MYO1B: variants seen among roughly 807,000 people sequenced by gnomAD.
MYO1B encodes unconventional myosin-Ib.
MYO1B carries 72 observed loss-of-function variants against 159.7 expected under a neutral mutation model. That is an observed-to-expected ratio of 0.45 (90% CI 0.37 to 0.55). MYO1B has a LOEUF of 0.55. Among genes scored for constraint, MYO1B ranks in the 20% least tolerant of loss-of-function variants. The pLI, the probability that MYO1B is intolerant of heterozygous loss-of-function variation, is 0.00. For synonymous variants in MYO1B, 468 were observed against 473.8 expected (o/e 0.99, Z 0.16); for missense variants, 1,062 against 1,364.8 (o/e 0.78, Z 3.50).
At chr2:191,292,458 T>G (rs1688741218) in intron 2 of MYO1B, among the ~76,000 whole-genome samples, 1 of 152,190 alleles carries the variant, frequency 6.6e-6, no homozygotes, top group Non-Finnish European at 1.5e-5. Flanking sequence ...AAAATTTTTC[T>G]AACTGGCAAT....
At chr2:191,333,827 CAG>C (rs1287902235) in intron 4 of MYO1B, among the ~76,000 whole-genome samples, 5 of 152,134 alleles carry the variant, frequency 3.3e-5, no homozygotes, top group Non-Finnish European at 7.4e-5. Context: ...TCAGGTGAAA[CAG>C]AATTTAATTC....
At chr2:191,370,861 A>G (rs1200340134) in intron 13 of MYO1B, 2 of 152,256 alleles carry the variant, frequency 1.3e-5, no homozygotes, top group Non-Finnish European at 2.9e-5. Context: ...AGAGGTTGAA[A>G]TAATTTCTGC....
chr2:191,407,043 A>C (rs1165266895), intron 24 of MYO1B, among the ~76,000 whole-genome samples: 3 of 152,198 alleles, frequency 2.0e-5, no homozygotes, highest in African/African-American at 7.2e-5. Flanking sequence ...TGCCTCATCT[A>C]AAGGCAACAG....
chr2:191,402,921 T>C (rs1252758370), intron 24 of MYO1B, among the ~76,000 whole-genome samples: 1 of 152,226 alleles, frequency 6.6e-6, no homozygotes, highest in Admixed American at 6.5e-5. Flanking sequence ...CTTTAAATAA[T>C]AGGTTTAATG....
chr2:191,372,071 C>T (rs1038753369), intron 13 of MYO1B, among the ~76,000 whole-genome samples: 1 of 152,206 alleles, frequency 6.6e-6, no homozygotes, highest in Non-Finnish European at 1.5e-5. Context: ...TCATTCTTTA[C>T]AGTTGGCAGG....
In MYO1B at chr2:191,402,669, G is replaced by A; in HGVS notation, c.2507G>A (p.Arg836Lys). The change falls in exon 24 of 31, where the codon AGG (arginine) becomes AAG (lysine). Residue 836 changes from arginine to lysine, a missense_variant. Arg to Lys is a conservative substitution (Grantham distance 26). Around this residue, in one of 5 missense-constraint regions of MYO1B, gnomAD observed 609 missense variants for 744.4 expected, o/e 0.82. Coordinates refer to ENST00000392318, the MANE Select transcript of MYO1B (RefSeq NM_001130158.3). ...RELKRLKEEA[R>K]RKHAVAVIWA... Reference sequence around the variant, plus strand: ...TTGAAACGCTTGAAGGAGGAGGCTAGGCGTAAGCATGCAGTTGCTGTCATT... The same window carrying A: ...TTGAAACGCTTGAAGGAGGAGGCTAAGCGTAAGCATGCAGTTGCTGTCATT... 6.2e-7 allele frequency: 1 copy of A among 1,613,706 alleles called. No homozygotes were observed. Among genetic ancestry groups the A allele is most frequent in the Non-Finnish European group, 8.5e-7 (1 of 1,179,768 alleles).
At chr2:191,278,336 C>G (rs1222708799) in intron 2 of MYO1B, among the ~76,000 whole-genome samples, 3 of 152,220 alleles carry the variant, frequency 2.0e-5, no homozygotes, top group African/African-American at 7.2e-5. Flanking sequence ...TCCTTATGAC[C>G]TAGTCACCTC....
At position 191,276,853 on chromosome 2, in the gene MYO1B, C is replaced by T. The variant is rs184584959; in HGVS notation, c.-9-34C>T. On this transcript the variant is annotated intron_variant, in intron 1 of 30. Coordinates refer to ENST00000392318, the MANE Select transcript of MYO1B (RefSeq NM_001130158.3). Reference sequence around the variant, plus strand: ...AGAACCTATTTGAAATTATTTTGCTCGTTTAAATTGACCCCTTTCCCTCTC... The same window carrying T: ...AGAACCTATTTGAAATTATTTTGCTTGTTTAAATTGACCCCTTTCCCTCTC... 3.9e-4 allele frequency: 613 copies of T among 1,571,818 alleles called. 1 individual carries two copies. The African/African-American group carries it at 7.4e-3, about 19-fold the overall frequency.
intron 3 of MYO1B, among the ~76,000 whole-genome samples, chr2:191,303,626 A>G (rs1354326141): frequency 6.6e-6 from 1 of 152,228 alleles, no homozygotes; most frequent in Non-Finnish European, 1.5e-5. Flanking sequence ...CTCCAGCTTA[A>G]GTATTTAGAA....
At chr2:191,349,946 G>C (rs1488103155) in intron 6 of MYO1B, among the ~76,000 whole-genome samples, 1 of 152,124 alleles carries the variant, frequency 6.6e-6, no homozygotes, top group East Asian at 1.9e-4. Context: ...TCCTAAATTA[G>C]CAGTGGGTTA....
chr2:191,390,056 T>G (rs1695649338), intron 17 of MYO1B, among the ~76,000 whole-genome samples: 1 of 152,244 alleles, frequency 6.6e-6, no homozygotes, highest in African/African-American at 2.4e-5. Flanking sequence ...GTGATACTTA[T>G]CCACATTATT....
At chr2:191,397,945 G>GGGGC (rs1157267257) in intron 21 of MYO1B, among the ~76,000 whole-genome samples, 1 of 77,508 alleles carries the variant, frequency 1.3e-5, no homozygotes, top group South Asian at 5.1e-4. Context: ...GGCCGGGCGG[G>GGGGC]CCGACCCCCC....
At chr2:191,417,673 G>A (rs144333225) in intron 30 of MYO1B, among the ~76,000 whole-genome samples, 24 of 152,252 alleles carry the variant, frequency 1.6e-4, no homozygotes, top group Non-Finnish European at 2.8e-4. Flanking sequence ...TTCCCAAACC[G>A]GGATTCTAGG....
intron 1 of MYO1B, among the ~76,000 whole-genome samples, chr2:191,266,966 G>A (rs911732065): frequency 3.3e-5 from 5 of 152,098 alleles, no homozygotes; most frequent in Non-Finnish European, 7.3e-5. Context: ...CTTAATCACT[G>A]GCCTGTGCCT....
At chr2:191,324,453 T>C (rs1393808654) in intron 3 of MYO1B, among the ~76,000 whole-genome samples, 4 of 152,172 alleles carry the variant, frequency 2.6e-5, no homozygotes, top group Admixed American at 1.3e-4. Flanking sequence ...CTTAACTTTT[T>C]AGAATCCATA....
rs377309362 is a variant in MYO1B at position 191,286,935 on chromosome 2, CACAAA to C, written c.136-9162_136-9158del. On this transcript the variant is annotated intron_variant, in intron 2 of 30. Transcript: ENST00000392318. ...GACAGAGCTAGACCCTGTCTCAAAA[CACAAA>C]ACAAAACAAAACAGACCATTTTGTA... Among the ~76,000 whole-genome samples, 307 of 152,122 alleles carry C rather than the reference CACAAA, an allele frequency of 2.0e-3. No individual in the cohort carries two copies. In the Middle Eastern group the frequency reaches 0.02, roughly 10 times the overall value.
At chr2:191,299,895 A>T (rs1689205397) in intron 3 of MYO1B, among the ~76,000 whole-genome samples, 1 of 152,238 alleles carries the variant, frequency 6.6e-6, no homozygotes, top group Admixed American at 6.5e-5. Flanking sequence ...TTAGCATGGA[A>T]TCTGCCATAA....
chr2:191,326,521 A>G (rs1332539351), intron 3 of MYO1B, among the ~76,000 whole-genome samples: 4 of 152,168 alleles, frequency 2.6e-5, no homozygotes, highest in Non-Finnish European at 5.9e-5. Context: ...TTTAATTGGT[A>G]AATTTTCACG....
chr2:191,420,528 G>A (rs114375909), intron 30 of MYO1B, among the ~76,000 whole-genome samples: 8,220 of 152,194 alleles, frequency 0.054, 381 homozygotes, highest in African/African-American at 0.12. Flanking sequence ...GTTACCTACA[G>A]TACAATAACA....
Sources: allele counts gnomAD v4.1 joint callset (sites outside exome capture counted in the v4.1 genomes callset), GRCh38; gene constraint gnomAD v4.1.1; regional missense constraint gnomAD v4.1.1; transcripts MANE v1.5; gene names NCBI Gene and HGNC (gene_info 2026-07-23, HGNC 2026-07-21).